Variants in SOX5 observed in about 807,000 individuals in gnomAD.
SOX5 encodes transcription factor SOX-5.
A neutral mutation model predicts 92.0 loss-of-function variants in SOX5; 9 were observed. The observed-to-expected ratio is 0.10, with a 90% CI of 0.06 to 0.17. SOX5 has a LOEUF of 0.17. Ranked by LOEUF, SOX5 falls within the 10% of genes least tolerant of loss-of-function variation. The pLI, the probability that SOX5 is intolerant of heterozygous loss-of-function variation, is 1.00. For missense variants in SOX5, 642 were observed against 944.5 expected (o/e 0.68, Z 4.20); for synonymous variants, 344 against 336.3 (o/e 1.02, Z -0.25).
At chr12:23,660,327 T>C (rs2082869481) in intron 7 of SOX5, among the ~76,000 whole-genome samples, 1 of 146,958 alleles carries the variant, frequency 6.8e-6, no homozygotes, top group African/African-American at 2.5e-5. Context: ...CGTTTGATCT[T>C]TGTAACAATT....
intron 4 of SOX5, among the ~76,000 whole-genome samples, chr12:24,071,648 A>T (rs553507589): frequency 2.8e-4 from 43 of 152,098 alleles, no homozygotes; most frequent in Non-Finnish European, 4.7e-4. Flanking sequence ...GTTAGCCAGG[A>T]TGGTCTCGAT....
intron 3 of SOX5, among the ~76,000 whole-genome samples, chr12:23,772,061 T>G (rs1421047373): frequency 6.6e-6 from 1 of 152,202 alleles, no homozygotes; most frequent in African/African-American, 2.4e-5. Flanking sequence ...TTTGCATGCC[T>G]GCTCTTATAC....
At chr12:23,710,395 C>T (rs1471794354) in intron 6 of SOX5, among the ~76,000 whole-genome samples, 1 of 152,118 alleles carries the variant, frequency 6.6e-6, no homozygotes, top group African/African-American at 2.4e-5. Context: ...CCCCGCTTCC[C>T]CTACCCCACA....
chr12:23,735,042 G>C (rs998016515), intron 5 of SOX5, among the ~76,000 whole-genome samples: 1 of 152,156 alleles, frequency 6.6e-6, no homozygotes, highest in African/African-American at 2.4e-5. Context: ...TCTTCCTAGT[G>C]ATATATTAAG....
At chr12:24,159,731 C>T (rs1349192718) in intron 4 of SOX5, among the ~76,000 whole-genome samples, 1 of 151,970 alleles carries the variant, frequency 6.6e-6, no homozygotes, top group African/African-American at 2.4e-5. Context: ...CAGTATCATT[C>T]AACCTAACAC....
intron 1 of SOX5, among the ~76,000 whole-genome samples, chr12:24,473,389 G>A (rs530552171): frequency 2.0e-5 from 3 of 152,300 alleles, no homozygotes; most frequent in South Asian, 2.1e-4. Context: ...AGTGGCTCAC[G>A]GGAGCGGGTG....
intron 1 of SOX5, among the ~76,000 whole-genome samples, chr12:24,544,856 T>C (rs3112134): frequency 0.69 from 105,052 of 152,030 alleles, 37,779 homozygotes; most frequent in Non-Finnish European, 0.8. Context: ...CAGTAGTATT[T>C]GAAGTGGGTG....
At chr12:24,069,104 A>C (rs751818756) in intron 4 of SOX5, among the ~76,000 whole-genome samples, 1 of 145,844 alleles carries the variant, frequency 6.9e-6, no homozygotes, top group Non-Finnish European at 1.5e-5. Flanking sequence ...CTCCAGACTT[A>C]GGGCCTTAAA....
intron 6 of SOX5, among the ~76,000 whole-genome samples, chr12:23,715,944 C>G (rs1446609023): frequency 6.6e-6 from 1 of 151,832 alleles, no homozygotes; most frequent in Non-Finnish European, 1.5e-5. Context: ...TAAATTTGGG[C>G]TCAGATTAAA....
chr12:23,954,021 CACAA>C (rs2139908692), upstream of SOX5, among the ~76,000 whole-genome samples: 1 of 152,108 alleles, frequency 6.6e-6, no homozygotes, highest in African/African-American at 2.4e-5. Context: ...CTTTTAAAAT[CACAA>C]ACAAGTTATT....
chr12:24,371,336 A>AC (rs755658136), intron 1 of SOX5, among the ~76,000 whole-genome samples: 2 of 152,188 alleles, frequency 1.3e-5, no homozygotes, highest in Non-Finnish European at 2.9e-5. Flanking sequence ...TCGGAGACAG[A>AC]TTTTTCCCCC....
At chr12:23,971,491 C>A (rs1948335208) in intron 4 of SOX5, among the ~76,000 whole-genome samples, 1 of 151,050 alleles carries the variant, frequency 6.6e-6, no homozygotes, top group African/African-American at 2.4e-5. Flanking sequence ...ATTACCACTA[C>A]CCCATTGCCT....
At chr12:24,347,314 C>A (rs573620038) in intron 2 of SOX5, among the ~76,000 whole-genome samples, 1 of 152,226 alleles carries the variant, frequency 6.6e-6, no homozygotes, top group South Asian at 2.1e-4. Flanking sequence ...ATATCAAGGA[C>A]CTTGAGCATC....
intron 4 of SOX5, among the ~76,000 whole-genome samples, chr12:23,747,303 G>T (rs924265711): frequency 2.6e-5 from 4 of 152,004 alleles, no homozygotes; most frequent in Non-Finnish European, 5.9e-5. Context: ...TTGCTTTCTA[G>T]TCATTGTCTC....
rs1438529943 is a variant in SOX5, at chr12:23,533,287, T to C, written c.*932A>G. 1.2e-5 allele frequency: 5 copies of C among 409,962 alleles called. No individual in the cohort carries two copies. The highest frequency in any genetic ancestry group is 2.1e-5 in the African/African-American group (1 of 48,726). The allele number at this position is 409,962 out of a possible 1,614,324, so 25.4% of individuals were successfully genotyped here. ...AAAATCCAAGATCAGAAAATATTTTTCTCTAAATTTCTTATGTCTCTCTCT... is the reference window on the plus strand; with the variant it reads ...AAAATCCAAGATCAGAAAATATTTTCCTCTAAATTTCTTATGTCTCTCTCT... On this transcript the variant is annotated 3_prime_UTR_variant, in exon 15 of 15. Coordinates refer to ENST00000451604, the MANE Select transcript of SOX5 (RefSeq NM_006940.6).
At chr12:23,717,723 A>T (rs748439795) in intron 6 of SOX5, among the ~76,000 whole-genome samples, 1 of 152,230 alleles carries the variant, frequency 6.6e-6, no homozygotes, top group Non-Finnish European at 1.5e-5. Context: ...GAACGGAATA[A>T]AACTTAACTG....
At chr12:23,877,210 T>C (rs949013385) in intron 2 of SOX5, among the ~76,000 whole-genome samples, 1 of 152,204 alleles carries the variant, frequency 6.6e-6, no homozygotes, top group African/African-American at 2.4e-5. Context: ...TTAAAGGACT[T>C]ATTTTTTTCT....
upstream of SOX5, chr12:23,949,712 TTCCCCCCCTCCC>T: frequency 1.4e-6 from 2 of 1,473,892 alleles, no homozygotes; most frequent in Non-Finnish European, 9.1e-7. Flanking sequence ...TCTCTGTCTC[TTCCCCCCCTCCC>T]TCCCTCCCTC....
chr12:24,015,260 G>A (rs959761150), intron 4 of SOX5, among the ~76,000 whole-genome samples: 6 of 151,986 alleles, frequency 3.9e-5, no homozygotes, highest in African/African-American at 9.7e-5. Context: ...CTTGTAGTGC[G>A]GTAATCGGTG....
Sources: gnomAD v4.1 joint callset for allele counts (sites outside exome capture counted in the v4.1 genomes callset) on GRCh38, gnomAD v4.1.1 for gene constraint, MANE v1.5 for transcripts, NCBI Gene and HGNC (gene_info 2026-07-23, HGNC 2026-07-21) for gene names.